The following SUGCT variants were observed in gnomAD, a reference collection of about 807,000 sequenced individuals.
SUGCT encodes the protein succinyl-CoA:glutarate-CoA transferase, also known as succinyl-CoA:glutarate CoA-transferase.
A neutral mutation model predicts 55.0 loss-of-function variants in SUGCT; 41 were observed. The ratio of observed to expected loss-of-function variants is 0.74; its 90% CI spans 0.58 to 0.97. The LOEUF (loss-of-function observed/expected upper bound fraction) is 0.97, where lower values mean the gene tolerates loss of function less well. Ranked by LOEUF, SUGCT falls within the 50% of genes least tolerant of loss-of-function variation. The pLI is 0.00. For synonymous variants in SUGCT, 187 were observed against 200.4 expected, an observed-to-expected ratio of 0.93 and a Z score of 0.56; for missense variants, 568 against 547.8, an observed-to-expected ratio of 1.04 and a Z score of -0.37.
At chr7:40,784,569 C>T (rs1459524299) in intron 13 of SUGCT, among the ~76,000 whole-genome samples, 1 of 152,118 alleles carries the variant, frequency 6.6e-6, no homozygotes, top group Admixed American at 6.6e-5. Flanking sequence ...GAGAATGTCC[C>T]CTTTGATCCC....
chr7:40,955,617 C>T, the SUGCT span, among the ~76,000 whole-genome samples: 1 of 152,068 alleles, frequency 6.6e-6, no homozygotes, highest in Admixed American at 6.6e-5. Flanking sequence ...TATTTGAATC[C>T]CCTTTATTTC....
At chr7:41,031,169 C>T in the SUGCT span, among the ~76,000 whole-genome samples, 1 of 151,344 alleles carries the variant, frequency 6.6e-6, no homozygotes, top group Non-Finnish European at 1.5e-5. Context: ...ACTATGTTAC[C>T]CAGGCTGGCC....
chr7:40,185,338 G>A (rs538400648), intron 3 of SUGCT, among the ~76,000 whole-genome samples: 2 of 152,198 alleles, frequency 1.3e-5, no homozygotes, highest in East Asian at 3.9e-4. Context: ...GGCCACCAGG[G>A]TAACATTTGT....
intron 12 of SUGCT, among the ~76,000 whole-genome samples, chr7:40,565,903 A>G (rs1388319202): frequency 6.6e-6 from 1 of 151,914 alleles, no homozygotes; most frequent in South Asian, 2.1e-4. Context: ...CTCAACAGAG[A>G]GGTTTCTCTT....
intron 12 of SUGCT, among the ~76,000 whole-genome samples, chr7:40,719,142 T>C (rs1306597490): frequency 6.6e-6 from 1 of 152,232 alleles, no homozygotes; most frequent in Non-Finnish European, 1.5e-5. Context: ...GGGCTCATCT[T>C]TTCTATGAAA....
intron 9 of SUGCT, among the ~76,000 whole-genome samples, chr7:40,324,121 T>C: frequency 6.6e-6 from 1 of 151,866 alleles, no homozygotes; most frequent in East Asian, 1.9e-4. Context: ...TTCCTTCCTG[T>C]CACAAGAGAG....
At chr7:40,247,407 C>G (rs116089974) in intron 7 of SUGCT, among the ~76,000 whole-genome samples, 3 of 152,082 alleles carry the variant, frequency 2.0e-5, no homozygotes, top group East Asian at 1.9e-4. Flanking sequence ...AGGCACCCAC[C>G]ACCATGACCG....
At chr7:40,953,863 T>C in the SUGCT span, among the ~76,000 whole-genome samples, 6,104 of 152,296 alleles carry the variant, frequency 0.04, 140 homozygotes, top group South Asian at 0.074. Flanking sequence ...TCTGCCCCTA[T>C]TGGGGGGTGC....
At chr7:40,906,538 T>A in the SUGCT span, among the ~76,000 whole-genome samples, 1 of 152,210 alleles carries the variant, frequency 6.6e-6, no homozygotes, top group Admixed American at 6.5e-5. Context: ...AAATATTTTT[T>A]AAATGCAACA....
chr7:40,824,310 C>G (rs1792193561), intron 13 of SUGCT, among the ~76,000 whole-genome samples: 1 of 152,020 alleles, frequency 6.6e-6, no homozygotes, highest in African/African-American at 2.4e-5. Context: ...TCCTGTTAGG[C>G]CCGCTTGCCA....
intron 8 of SUGCT, among the ~76,000 whole-genome samples, chr7:40,283,921 AATAG>A (rs1330302716): frequency 1.3e-5 from 2 of 152,240 alleles, no homozygotes; most frequent in Admixed American, 6.5e-5. Context: ...TAATCAGATG[AATAG>A]ATAAAGAAAT....
intron 12 of SUGCT, among the ~76,000 whole-genome samples, chr7:40,537,791 G>A (rs576950242): frequency 2.0e-5 from 3 of 152,084 alleles, no homozygotes; most frequent in African/African-American, 2.4e-5. Context: ...TTCCTGAAGC[G>A]ATTTTTTTAA....
intron 13 of SUGCT, among the ~76,000 whole-genome samples, chr7:40,777,648 A>T (rs1014545251): frequency 6.6e-6 from 1 of 152,084 alleles, no homozygotes; most frequent in Non-Finnish European, 1.5e-5. Flanking sequence ...GTCTGGGGAA[A>T]GCTGGGTCTG....
At chr7:40,490,444 A>T (rs1039037977) in intron 11 of SUGCT, among the ~76,000 whole-genome samples, 1 of 152,156 alleles carries the variant, frequency 6.6e-6, no homozygotes, top group Non-Finnish European at 1.5e-5. Context: ...CCACTGCAGA[A>T]ATTGTGAATG....
chr7:40,191,963 C>G (rs1031450254), intron 5 of SUGCT, among the ~76,000 whole-genome samples: 2 of 151,980 alleles, frequency 1.3e-5, no homozygotes, highest in Admixed American at 6.6e-5. Context: ...CAAAAATTAG[C>G]TGGGCGTGTT....
chr7:40,949,501 T>G, the SUGCT span, among the ~76,000 whole-genome samples: 1 of 152,234 alleles, frequency 6.6e-6, no homozygotes, highest in African/African-American at 2.4e-5. Context: ...TGCCATTGCT[T>G]TCGGTGTTTT....
chr7:40,228,353 A>C (rs1439247677), intron 6 of SUGCT, among the ~76,000 whole-genome samples: 1 of 152,182 alleles, frequency 6.6e-6, no homozygotes, highest in African/African-American at 2.4e-5. Context: ...TTAAATTTAT[A>C]GTTCCTTCTC....
intron 11 of SUGCT, among the ~76,000 whole-genome samples, chr7:40,494,290 A>G (rs1791856516): frequency 1.3e-5 from 2 of 152,274 alleles, no homozygotes; most frequent in South Asian, 4.1e-4. Flanking sequence ...TAAGTAATTG[A>G]CACCCTATTC....
intron 12 of SUGCT, among the ~76,000 whole-genome samples, chr7:40,541,553 T>G (rs565804298): frequency 6.6e-6 from 1 of 152,270 alleles, no homozygotes; most frequent in East Asian, 1.9e-4. Context: ...TGTGGAAACT[T>G]GGAAGGATTG....
Sources: allele counts gnomAD v4.1 joint callset (sites outside exome capture counted in the v4.1 genomes callset), GRCh38; gene constraint gnomAD v4.1.1; transcripts MANE v1.5; gene names NCBI Gene and HGNC (gene_info 2026-07-23, HGNC 2026-07-21).